LLGL2: variants seen among roughly 807,000 people sequenced by gnomAD.
LLGL2 encodes LLGL2, scribble cell polarity complex component.
In LLGL2, 81 loss-of-function variants were observed where a neutral mutation model predicts 123.2. That is an observed-to-expected ratio of 0.66 (90% confidence interval 0.55 to 0.79). The LOEUF is 0.79. Among genes scored for constraint, LLGL2 ranks in the 30% least tolerant of loss-of-function variants. The pLI is 0.00. For missense variants in LLGL2, 1,273 were observed against 1,414.6 expected (o/e 0.90, Z 1.61); for synonymous variants, 577 against 594.1 (o/e 0.97, Z 0.42).
intron 19 of LLGL2, among the ~76,000 whole-genome samples, chr17:75,572,564 C>G (rs2055767744): frequency 6.6e-6 from 1 of 151,110 alleles, no homozygotes. Flanking sequence ...ACTCAGGAGG[C>G]TGAGGCAGGA....
chr17:75,555,281 A>AT (rs980550349), intron 2 of LLGL2, among the ~76,000 whole-genome samples: 1 of 127,060 alleles, frequency 7.9e-6, no homozygotes, highest in African/African-American at 2.8e-5. Flanking sequence ...AGTTTGGGTA[A>AT]TTTTTGTTCT....
chr17:75,542,113 G>A (rs888743527), intron 1 of LLGL2, among the ~76,000 whole-genome samples: 3 of 151,944 alleles, frequency 2.0e-5, no homozygotes, highest in South Asian at 2.1e-4. Context: ...TGCCACGCAC[G>A]TTACCTACCT....
Position 75,537,697 on chromosome 17 carries a change from C to CA in LLGL2, c.-30-5688dup, listed in dbSNP as rs755617927. On this transcript the variant is annotated intron_variant, in intron 1 of 25. Coordinates refer to ENST00000392550, the MANE Select transcript of LLGL2 (RefSeq NM_001031803.2). ...GGGCGACAGAGCGAGACTCCATCTC[C>CA]AAAAAAAAAAAATCCCTTAAAACCA... Among the ~76,000 whole-genome samples, 193 of 138,474 alleles carry CA rather than the reference C, an allele frequency of 1.4e-3. 1 individual carries two copies. Among genetic ancestry groups the CA allele is most frequent in the Non-Finnish European group, 1.8e-3 (113 of 63,652 alleles). The allele number at this position is 138,474 out of a possible 152,430, so 90.8% of individuals were successfully genotyped here. A position where few individuals can be genotyped will look rare whatever the true frequency, so the allele number is the denominator to read the frequency against.
Position 75,569,622 on chromosome 17 carries a change from G to A in LLGL2, c.1581+297G>A, listed in dbSNP as rs181016656. Among the ~76,000 whole-genome samples the A allele has an allele frequency of 1.2e-4, 19 of 152,250 alleles. No individual in the cohort carries two copies. In the East Asian group the frequency reaches 3.7e-3, roughly 29 times the overall value. ...GTTCGAGACCAGCCTGGCCAACATG[G>A]TGAAACCCCATCTCTACTAAAAATA... On this transcript the variant is annotated intron_variant, in intron 14 of 25. Transcript: ENST00000392550.
Position 75,558,701 on chromosome 17 carries a change from A to G in LLGL2, c.371+74A>G. 8.2e-7 allele frequency: 1 copy of G among 1,219,916 alleles called. No individual in the cohort carries two copies. The highest frequency in any genetic ancestry group is 1.3e-5 in the South Asian group (1 of 76,294). 75.6% of individuals were successfully genotyped at this position (1,219,916 alleles called of 1,614,324 possible). A position where few individuals can be genotyped will look rare whatever the true frequency, so the allele number is the denominator to read the frequency against. On this transcript the variant is annotated intron_variant, in intron 5 of 25. Transcript: ENST00000392550. The surrounding 1 kb of genome is among the most constrained non-coding windows in gnomAD (Gnocchi z 4.0). Reference sequence around the variant, plus strand: ...TTGCCCTTAGCTCTGGAGTGGACTCACCCTTTGTGAGGCCTGTTGCGCCCC... The same window carrying G: ...TTGCCCTTAGCTCTGGAGTGGACTCGCCCTTTGTGAGGCCTGTTGCGCCCC...
At chr17:75,552,525 A>C (rs949553280) in intron 2 of LLGL2, among the ~76,000 whole-genome samples, 1 of 152,178 alleles carries the variant, frequency 6.6e-6, no homozygotes, top group African/African-American at 2.4e-5. Context: ...ACATATGCAA[A>C]ATATTTTGAC....
At chr17:75,547,977 A>G (rs1438255356) in intron 2 of LLGL2, among the ~76,000 whole-genome samples, 5 of 152,194 alleles carry the variant, frequency 3.3e-5, no homozygotes, top group East Asian at 1.9e-4. Flanking sequence ...TGATACAGAT[A>G]TGGATTGAGC....
intron 2 of LLGL2, among the ~76,000 whole-genome samples, chr17:75,548,307 A>C (rs62088555): frequency 0.51 from 72,298 of 142,914 alleles, 18,654 homozygotes; most frequent in African/African-American, 0.64. Flanking sequence ...GACGGAGTTT[A>C]GCTCTTGTTG....
At chr17:75,554,302 C>A (rs1273343631) in intron 2 of LLGL2, among the ~76,000 whole-genome samples, 463 of 133,892 alleles carry the variant, frequency 3.5e-3, no homozygotes, top group African/African-American at 6.2e-3. Context: ...AACTCCGTCT[C>A]AAAAAAAAAA....
At chr17:75,565,345 T>A (rs1009915446) in intron 10 of LLGL2, among the ~76,000 whole-genome samples, 4 of 152,186 alleles carry the variant, frequency 2.6e-5, no homozygotes, top group African/African-American at 9.7e-5. Context: ...GATGCTGGCC[T>A]GAAAGGGCCT....
chr17:75,546,496 T>G (rs2054430894), intron 2 of LLGL2, among the ~76,000 whole-genome samples: 1 of 152,152 alleles, frequency 6.6e-6, no homozygotes, highest in Non-Finnish European at 1.5e-5. Flanking sequence ...TCCGGCAGCA[T>G]CGTTCTGTGG....
intron 1 of LLGL2, among the ~76,000 whole-genome samples, chr17:75,531,134 G>C (rs1325247224): frequency 6.6e-6 from 1 of 152,064 alleles, no homozygotes; most frequent in Admixed American, 6.5e-5. Context: ...GTTGGCATTA[G>C]GAGACTTTCT....
At position 75,534,799 on chromosome 17, in the gene LLGL2, CTGTT is replaced by C. The variant is rs1466265536; in HGVS notation, c.-30-8595_-30-8592del. Among the ~76,000 whole-genome samples the C allele has an allele frequency of 3.9e-5, 6 of 152,208 alleles. No homozygotes were observed. The South Asian group carries it at 1.0e-3, about 26-fold the overall frequency. On this transcript the variant is annotated intron_variant, in intron 1 of 25. Transcript: ENST00000392550. ...CTTGGCAAAGGACTTGGACTCTTGA[CTGTT>C]TGAGCTTGGGGCCACTCTGAATCGA...
intron 1 of LLGL2, among the ~76,000 whole-genome samples, chr17:75,527,466 T>C (rs552193874): frequency 2.6e-5 from 4 of 152,264 alleles, no homozygotes; most frequent in African/African-American, 9.6e-5. Flanking sequence ...CATTCTTCCT[T>C]GAGGCAAGGG....
chr17:75,573,232 GGACGTCAGTGGCATC>G lies in LLGL2; in HGVS notation c.2681_2695del (p.Asp894_Ile898del). On this transcript the variant is annotated inframe_deletion, in exon 20 of 26. Coordinates refer to ENST00000392550, the MANE Select transcript of LLGL2 (RefSeq NM_001031803.2). ...TGCGCTACAGCTGCATCCGCCGGGA[GGACGTCAGTGGCATC>G]GCCTCCTGCGTCTTCACCAAATATG... The G allele has an allele frequency of 6.2e-7, 1 of 1,609,896 alleles. No homozygotes were observed. Among genetic ancestry groups the G allele is most frequent in the Admixed American group, 1.7e-5 (1 of 59,962 alleles).
chr17:75,549,181 A>G lies in LLGL2; in HGVS notation c.75+5680A>G, dbSNP rs886105132. Among the ~76,000 whole-genome samples the G allele has an allele frequency of 6.6e-6, 1 of 151,870 alleles. No homozygotes were observed. Among genetic ancestry groups the G allele is most frequent in the African/African-American group, 2.4e-5 (1 of 41,374 alleles). On this transcript the variant is annotated intron_variant, in intron 2 of 25. Transcript: ENST00000392550. This position sits in a 1 kb window ranked among gnomAD's most constrained non-coding sequence, Gnocchi z 4.0. Reference sequence around the variant, plus strand: ...CTATATATGGTGGGCCGTCAAGCCTATTGGAGGGATGGACAGACAGACAAG... The same window carrying G: ...CTATATATGGTGGGCCGTCAAGCCTGTTGGAGGGATGGACAGACAGACAAG...
intron 10 of LLGL2, 108 bp from the exon 11 acceptor site, chr17:75,568,368 G>A: frequency 6.8e-7 from 1 of 1,471,928 alleles, no homozygotes. Context: ...CAAGAACAGG[G>A]CTTTCTGGAT....
At chr17:75,548,373 G>T (rs1370966581) in intron 2 of LLGL2, among the ~76,000 whole-genome samples, 1 of 151,402 alleles carries the variant, frequency 6.6e-6, no homozygotes. Flanking sequence ...TGCCTCCCGG[G>T]TTCAAGGGAT....
At chr17:75,561,856 A>G (rs2055233265) in intron 6 of LLGL2, among the ~76,000 whole-genome samples, 1 of 151,588 alleles carries the variant, frequency 6.6e-6, no homozygotes, top group Admixed American at 6.6e-5. Context: ...CCGGAGGTGG[A>G]GGTTGTGGTG....
Sources: gnomAD v4.1 joint callset for allele counts (sites outside exome capture counted in the v4.1 genomes callset) on GRCh38, gnomAD v4.1.1 for gene constraint, Gnocchi (gnomAD v3.1) non-coding constraint, MANE v1.5 for transcripts, NCBI Gene and HGNC (gene_info 2026-07-23, HGNC 2026-07-21) for gene names.